Variants in NR5A2 observed in about 807,000 individuals in gnomAD.
NR5A2 encodes the protein nuclear receptor subfamily 5 group A member 2.
NR5A2 carries 26 observed loss-of-function variants against 62.7 expected under a neutral mutation model. That is an observed-to-expected ratio of 0.41 (90% CI 0.30 to 0.58). NR5A2 has a LOEUF of 0.58. Among genes scored for constraint, NR5A2 ranks in the 20% least tolerant of loss-of-function variants. The pLI, the probability that NR5A2 is intolerant of heterozygous loss-of-function variation, is 0.22. For missense variants in NR5A2, 541 were observed against 669.1 expected, an observed-to-expected ratio of 0.81 and a Z score of 2.11; for synonymous variants, 246 against 241.7, an observed-to-expected ratio of 1.02 and a Z score of -0.16.
At chr1:200,087,737 TA>T (rs1203850712) in intron 5 of NR5A2, among the ~76,000 whole-genome samples, 1 of 151,746 alleles carries the variant, frequency 6.6e-6, no homozygotes, top group African/African-American at 2.4e-5. Context: ...AGTCACATTT[TA>T]TTTTTTTTAT....
chr1:200,046,611 A>C (rs1662376743), intron 4 of NR5A2, among the ~76,000 whole-genome samples: 1 of 152,234 alleles, frequency 6.6e-6, no homozygotes, highest in Non-Finnish European at 1.5e-5. Context: ...GAACAGAGGT[A>C]GCCACTTTGG....
chr1:200,063,168 C>T (rs986951998), intron 5 of NR5A2, among the ~76,000 whole-genome samples: 22 of 151,866 alleles, frequency 1.4e-4, no homozygotes, highest in Admixed American at 3.3e-4. Context: ...GGATTACAGG[C>T]GCATGCCACC....
At chr1:200,130,317 A>C (rs1666917171) in intron 7 of NR5A2, among the ~76,000 whole-genome samples, 1 of 29,972 alleles carries the variant, frequency 3.3e-5, no homozygotes, top group Admixed American at 3.6e-4. Flanking sequence ...AAGAAGAAGA[A>C]GAAGAAAAAA....
intron 5 of NR5A2, among the ~76,000 whole-genome samples, chr1:200,100,187 A>T (rs1312426936): frequency 6.6e-6 from 1 of 152,214 alleles, no homozygotes. Flanking sequence ...ATGAAACAAT[A>T]CCCAGAAAGA....
At chr1:200,151,036 C>T (rs1653075642) in intron 7 of NR5A2, among the ~76,000 whole-genome samples, 1 of 152,154 alleles carries the variant, frequency 6.6e-6, no homozygotes. Context: ...CAGAAATGAC[C>T]TGCTCTCTGA....
chr1:200,059,290 TAGC>T (rs1663078496), intron 5 of NR5A2, among the ~76,000 whole-genome samples: 1 of 152,122 alleles, frequency 6.6e-6, no homozygotes, highest in African/African-American at 2.4e-5. Context: ...AGGTATGCAT[TAGC>T]AGTGAGGTCC....
chr1:200,067,592 G>A (rs576861207), intron 5 of NR5A2, among the ~76,000 whole-genome samples: 4 of 152,216 alleles, frequency 2.6e-5, no homozygotes, highest in South Asian at 2.1e-4. Context: ...GAGAACTCAC[G>A]AACACAAGGG....
chr1:200,109,868 G>T (rs1384082857), intron 5 of NR5A2, among the ~76,000 whole-genome samples: 1 of 152,146 alleles, frequency 6.6e-6, no homozygotes, highest in Non-Finnish European at 1.5e-5. Context: ...GGATTCAAGT[G>T]ATTCTCCTGC....
chr1:200,073,268 T>TTATATATATATATA lies in NR5A2; in HGVS notation c.1110+24460_1110+24473dup, dbSNP rs371537456. Among the ~76,000 whole-genome samples, 205 of 111,180 alleles carry TTATATATATATATA rather than the reference T, an allele frequency of 1.8e-3. 8 individuals carry two copies. Among genetic ancestry groups the TTATATATATATATA allele is most frequent in the African/African-American group, 6.7e-3 (188 of 28,026 alleles). 72.9% of individuals were successfully genotyped at this position (111,180 alleles called of 152,430 possible). ...TATATATATATATATATATTCCCCT[T>TTATATATATATATA]TATATATATATATATATATATATTC... On this transcript the variant is annotated intron_variant, in intron 5 of 7. Transcript: ENST00000367362.
chr1:200,139,249 T>C (rs1169372705), intron 7 of NR5A2, among the ~76,000 whole-genome samples: 2 of 152,252 alleles, frequency 1.3e-5, no homozygotes, highest in Non-Finnish European at 2.9e-5. Flanking sequence ...ATCTACTAAA[T>C]GCCCTTATTA....
At chr1:200,060,830 G>A (rs1354704929) in intron 5 of NR5A2, among the ~76,000 whole-genome samples, 3 of 151,476 alleles carry the variant, frequency 2.0e-5, no homozygotes, top group South Asian at 2.1e-4. Flanking sequence ...TGGGCTGGGT[G>A]TGATGGCTCA....
chr1:200,149,496 G>A (rs971373839), intron 7 of NR5A2, among the ~76,000 whole-genome samples: 13 of 152,154 alleles, frequency 8.5e-5, no homozygotes, highest in African/African-American at 2.9e-4. Flanking sequence ...TAGTCTGTTG[G>A]CCACTGACTC....
chr1:200,144,571 A>G (rs896166710), intron 7 of NR5A2, among the ~76,000 whole-genome samples: 2 of 152,224 alleles, frequency 1.3e-5, no homozygotes, highest in African/African-American at 4.8e-5. Flanking sequence ...TCCCTCTTCT[A>G]TTAACCCATT....
In NR5A2 at chr1:200,050,879, C is replaced by T. The variant is rs75507553; in HGVS notation, c.1110+2061C>T. On this transcript the variant is annotated intron_variant, in intron 5 of 7. Transcript: ENST00000367362. ...TGCACTCGAGCCTGGGTGACAAGAGCGAAACTCCATCTCAAAAATAAATAA... is the reference window on the plus strand; with the variant it reads ...TGCACTCGAGCCTGGGTGACAAGAGTGAAACTCCATCTCAAAAATAAATAA... Among the ~76,000 whole-genome samples, 424 of 152,056 alleles carry T rather than the reference C, an allele frequency of 2.8e-3. 6 individuals carry two copies. The East Asian group carries it at 0.038, about 14-fold the overall frequency.
chr1:200,115,629 G>T (rs536398682), intron 6 of NR5A2, among the ~76,000 whole-genome samples: 1 of 152,268 alleles, frequency 6.6e-6, no homozygotes, highest in South Asian at 2.1e-4. Flanking sequence ...GCAGCCAATA[G>T]TGATAAGAGG....
At chr1:200,052,955 C>T (rs536715183) in intron 5 of NR5A2, among the ~76,000 whole-genome samples, 1 of 152,258 alleles carries the variant, frequency 6.6e-6, no homozygotes, top group East Asian at 1.9e-4. Flanking sequence ...CTTGCTCACT[C>T]TCTCAGGACA....
At chr1:200,164,028 G>A (rs1045780127) in intron 7 of NR5A2, among the ~76,000 whole-genome samples, 2 of 151,786 alleles carry the variant, frequency 1.3e-5, no homozygotes, top group Non-Finnish European at 2.9e-5. Context: ...CTTGGTGATA[G>A]TGAGTTCTTG....
At chr1:200,058,799 G>GC (rs1663048663) in intron 5 of NR5A2, among the ~76,000 whole-genome samples, 1 of 138,526 alleles carries the variant, frequency 7.2e-6, no homozygotes, top group African/African-American at 2.6e-5. Context: ...TTTTGTTTTT[G>GC]TTTTTTTTTT....
intron 7 of NR5A2, among the ~76,000 whole-genome samples, chr1:200,168,192 A>G (rs998042900): frequency 5.3e-5 from 8 of 151,246 alleles, no homozygotes; most frequent in African/African-American, 1.9e-4. Flanking sequence ...CATATATAGT[A>G]TATACACTTT....
Sources: allele counts gnomAD v4.1 joint callset (sites outside exome capture counted in the v4.1 genomes callset), GRCh38; gene constraint gnomAD v4.1.1; transcripts MANE v1.5; gene names NCBI Gene and HGNC (gene_info 2026-07-23, HGNC 2026-07-21).